The following PDXK variants were observed in gnomAD, a reference collection of about 807,000 sequenced individuals.
PDXK encodes pyridoxal kinase, also known as epididymis secretory sperm binding protein Li 1a.
In PDXK, 15 loss-of-function variants were observed where a neutral mutation model predicts 43.2. That is an observed-to-expected ratio of 0.35 (90% confidence interval 0.23 to 0.53). The LOEUF (loss-of-function observed/expected upper bound fraction) is 0.53. PDXK is among the 20% of genes least tolerant of loss of function. The pLI, the probability that PDXK is intolerant of heterozygous loss-of-function variation, is 0.92. For missense variants in PDXK, 343 were observed against 417.0 expected (o/e 0.82, Z 1.54); for synonymous variants, 172 against 165.4 (o/e 1.04, Z -0.31).
chr21:43,719,886 C>T (rs1454680754), intron 1 of PDXK: 2 of 985,344 alleles, frequency 2.0e-6, no homozygotes, highest in Non-Finnish European at 2.4e-6. Context: ...AAGAAGACGC[C>T]GAGTGAGGTC....
intron 1 of PDXK, among the ~76,000 whole-genome samples, chr21:43,724,248 C>T (rs1464371316): frequency 6.6e-6 from 1 of 152,172 alleles, no homozygotes; most frequent in African/African-American, 2.4e-5. Flanking sequence ...GTGGCTCAAG[C>T]GCCCCACAGG....
chr21:43,755,507 C>T (rs1456454195), intron 9 of PDXK, 191 bp from the exon 10 acceptor site: 4 of 608,858 alleles, frequency 6.6e-6, no homozygotes, highest in Non-Finnish European at 8.8e-6. Context: ...GCTCAGCCCT[C>T]CGGGCTCTCC....
intron 5 of PDXK, among the ~76,000 whole-genome samples, chr21:43,748,643 C>A (rs990330896): frequency 6.6e-5 from 10 of 152,210 alleles, no homozygotes; most frequent in Non-Finnish European, 1.3e-4. Flanking sequence ...CACCAGATGA[C>A]CAGGGCTGCT....
At chr21:43,730,233 C>G (rs529719124) in intron 1 of PDXK, among the ~76,000 whole-genome samples, 1 of 152,220 alleles carries the variant, frequency 6.6e-6, no homozygotes, top group Non-Finnish European at 1.5e-5. Flanking sequence ...TCAAGTGATT[C>G]TCCTGCCTTA....
chr21:43,730,869 C>G (rs1362423033), intron 1 of PDXK, among the ~76,000 whole-genome samples: 1 of 152,140 alleles, frequency 6.6e-6, no homozygotes, highest in Non-Finnish European at 1.5e-5. Context: ...GAGGGTGGAT[C>G]CCTTGATCCC....
intron 4 of PDXK, among the ~76,000 whole-genome samples, chr21:43,745,519 A>G (rs767708990): frequency 4.6e-5 from 7 of 151,604 alleles, no homozygotes; most frequent in Non-Finnish European, 8.8e-5. Flanking sequence ...TCAGTTTGGG[A>G]AGATGAGAAG....
In PDXK at chr21:43,756,147, G is replaced by A; in HGVS notation, c.*84G>A. The A allele has an allele frequency of 1.3e-6, 1 of 753,656 alleles. No homozygotes were observed. The highest frequency in any genetic ancestry group is 1.6e-5 in the South Asian group (1 of 60,948). 46.7% of individuals were successfully genotyped at this position (753,656 alleles called of 1,614,324 possible). On this transcript the variant is annotated 3_prime_UTR_variant, in exon 11 of 11. Coordinates refer to ENST00000291565, the MANE Select transcript of PDXK (RefSeq NM_003681.5). ...GAAAACATGTAACGTCTGCCTTAGAGCCATGACCGAAACTTGATATTTTTT... is the reference window on the plus strand; with the variant it reads ...GAAAACATGTAACGTCTGCCTTAGAACCATGACCGAAACTTGATATTTTTT...
At chr21:43,746,406 A>T (rs539674542) in intron 5 of PDXK, among the ~76,000 whole-genome samples, 32 of 151,988 alleles carry the variant, frequency 2.1e-4, no homozygotes, top group African/African-American at 6.5e-4. Flanking sequence ...TACAAACATG[A>T]TGACTTCTTT....
Position 43,762,057 on chromosome 21 carries a change from C to T in PDXK, c.*5994C>T, listed in dbSNP as rs993279615. 2 of 153,716 alleles carry T rather than the reference C, an allele frequency of 1.3e-5. No individual in the cohort carries two copies. Among genetic ancestry groups the T allele is most frequent in the Non-Finnish European group, 2.9e-5 (2 of 68,056 alleles). The allele number at this position is 153,716 out of a possible 1,614,324, so 9.5% of individuals were successfully genotyped here. On this transcript the variant is annotated 3_prime_UTR_variant, in exon 11 of 11. Transcript: ENST00000291565. The stretch of plus-strand genomic sequence containing the variant: ...GGACGGCGGCGCAGCCCGCTCCCTC[C>T]GTGGAATGGAGCTCAGCTCTTCGGA...
chr21:43,720,142 G>C (rs2083194890), intron 1 of PDXK, among the ~76,000 whole-genome samples: 1 of 152,230 alleles, frequency 6.6e-6, no homozygotes, highest in Admixed American at 6.5e-5. Flanking sequence ...GGAGGGGTAG[G>C]AGAGGCCTGG....
chr21:43,757,812 G>A lies in PDXK; in HGVS notation c.*1749G>A, dbSNP rs2147334363. 6.6e-6 allele frequency: 1 copy of A among 152,358 alleles called. No homozygotes were observed. The highest frequency in any genetic ancestry group is 2.1e-4 in the South Asian group (1 of 4,826). 9.4% of individuals were successfully genotyped at this position (152,358 alleles called of 1,614,324 possible). A position where few individuals can be genotyped will look rare whatever the true frequency, so the allele number is the denominator to read the frequency against. On this transcript the variant is annotated 3_prime_UTR_variant, in exon 11 of 11. Transcript: ENST00000291565. ...AGGGCGCCGCCACACCAGCAGGAAG[G>A]AGGATGGCTGTGTCCGGAGCCTGGC...
Position 43,762,209 on chromosome 21 carries a change from C to T in PDXK, c.*6146C>T, listed in dbSNP as rs1479160568. The T allele has an allele frequency of 2.0e-5, 3 of 152,486 alleles. No homozygotes were observed. Among genetic ancestry groups the T allele is most frequent in the African/African-American group, 7.2e-5 (3 of 41,438 alleles). 9.4% of individuals were successfully genotyped at this position (152,486 alleles called of 1,614,324 possible). A position where few individuals can be genotyped will look rare whatever the true frequency, so the allele number is the denominator to read the frequency against. On this transcript the variant is annotated 3_prime_UTR_variant, in exon 11 of 11. Coordinates refer to ENST00000291565, the MANE Select transcript of PDXK (RefSeq NM_003681.5). The stretch of plus-strand genomic sequence containing the variant: ...TTGTGCCATGTGGATGTTTGTGAGC[C>T]TCGGTCCTACAGCACTGTGTAGGCT...
In PDXK at chr21:43,732,206, C is replaced by G; in HGVS notation, c.88-1863C>G. The G allele has an allele frequency of 7.0e-7, 1 of 1,436,478 alleles. No individual in the cohort carries two copies. The highest frequency in any genetic ancestry group is 9.1e-7 in the Non-Finnish European group (1 of 1,100,596). 89.0% of individuals were successfully genotyped at this position (1,436,478 alleles called of 1,614,324 possible). On this transcript the variant is annotated intron_variant, in intron 1 of 10. Transcript: ENST00000291565. This position sits in a 1 kb window ranked among gnomAD's most constrained non-coding sequence, Gnocchi z 4.1. ...AGGGAGCCACTGCTGTACAGAGATG[C>G]CAATTCCAGAGGCATGGTCCGGCAC... is the stretch of plus-strand genomic sequence containing the variant.
At chr21:43,724,695 A>G (rs972805567) in intron 1 of PDXK, among the ~76,000 whole-genome samples, 1 of 150,146 alleles carries the variant, frequency 6.7e-6, no homozygotes, top group African/African-American at 2.5e-5. Context: ...AAAAAAAAAA[A>G]GCTGGCTATG....
chr21:43,731,610 G>T (rs2083318871), intron 1 of PDXK, among the ~76,000 whole-genome samples: 1 of 151,450 alleles, frequency 6.6e-6, no homozygotes, highest in Non-Finnish European at 1.5e-5. Context: ...CTTTGTTGAA[G>T]GCGATTCCTG....
At chr21:43,736,636 T>G (rs1284988686) in intron 2 of PDXK, among the ~76,000 whole-genome samples, 3 of 148,966 alleles carry the variant, frequency 2.0e-5, no homozygotes, top group Non-Finnish European at 3.0e-5. Context: ...TCTGTTTTTT[T>G]TTTTTTTTTT....
chr21:43,719,368 C>T lies in PDXK; in HGVS notation c.74C>T (p.Thr25Met). ...GGCTACGTGGGCAACCGGGCGGCCA[C>T]GTTCCCGCTGCAGGTACGCATCCGC... ...IRGYVGNRAA[T>M]FPLQVLGFEI... Residue 25 changes from threonine (T) to methionine (M), a missense_variant, in exon 1 of 11, where the codon ACG becomes ATG. Physicochemically the swap from Thr to Met is moderately conservative, Grantham distance 81 (BLOSUM62 -1). Transcript: ENST00000291565. The T allele has an allele frequency of 6.6e-7, 1 of 1,524,338 alleles. No homozygotes were observed. The highest frequency in any genetic ancestry group is 8.8e-7 in the Non-Finnish European group (1 of 1,136,964). The allele number at this position is 1,524,338 out of a possible 1,614,324, so 94.4% of individuals were successfully genotyped here.
Position 43,732,368 on chromosome 21 carries a change from A to C in PDXK, c.88-1701A>C. Reference sequence around the variant, plus strand: ...TTCTGAGTCTGGCTTTGTCTGGCACATGAAGTTGGATGGGTAGACTCTGGA... The same window carrying C: ...TTCTGAGTCTGGCTTTGTCTGGCACCTGAAGTTGGATGGGTAGACTCTGGA... On this transcript the variant is annotated intron_variant, in intron 1 of 10. Coordinates refer to ENST00000291565, the MANE Select transcript of PDXK (RefSeq NM_003681.5). The surrounding 1 kb of genome is among the most constrained non-coding windows in gnomAD (Gnocchi z 4.1). 6.2e-7 allele frequency: 1 copy of C among 1,611,068 alleles called. No homozygotes were observed. Among genetic ancestry groups the C allele is most frequent in the East Asian group, 2.2e-5 (1 of 44,848 alleles).
chr21:43,745,787 A>G (rs553760825), intron 4 of PDXK: 1 of 408,476 alleles, frequency 2.4e-6, no homozygotes, highest in South Asian at 3.4e-5. Flanking sequence ...GCTTAAGCCT[A>G]GGAGTTCAAA....
Sources: allele counts gnomAD v4.1 joint callset (sites outside exome capture counted in the v4.1 genomes callset), GRCh38; gene constraint gnomAD v4.1.1; non-coding constraint Gnocchi (gnomAD v3.1); transcripts MANE v1.5; gene names NCBI Gene and HGNC (gene_info 2026-07-23, HGNC 2026-07-21).